Variants in AGFG2 observed in about 807,000 individuals in gnomAD.
The protein encoded by AGFG2 is arf-GAP domain and FG repeat-containing protein 2.
Under a neutral mutation model 48.0 loss-of-function variants are expected in AGFG2, and 31 were observed. The ratio of observed to expected loss-of-function variants is 0.65; its 90% CI spans 0.49 to 0.87. AGFG2 has a LOEUF of 0.87. Ranked by LOEUF, AGFG2 falls within the 40% of genes least tolerant of loss-of-function variation. AGFG2 has a pLI of 0.00. For synonymous variants in AGFG2, 229 were observed against 260.8 expected (o/e 0.88, Z 1.18); for missense variants, 599 against 632.6 (o/e 0.95, Z 0.57).
rs915409625 is a variant in AGFG2 at position 100,539,264 on chromosome 7, G to A, written c.-83G>A. The A allele has an allele frequency of 1.4e-5, 18 of 1,241,896 alleles. No homozygotes were observed. The highest frequency in any genetic ancestry group is 1.7e-5 in the Non-Finnish European group (17 of 981,442). 76.9% of individuals were successfully genotyped at this position (1,241,896 alleles called of 1,614,324 possible). A position where few individuals can be genotyped will look rare whatever the true frequency, so the allele number is the denominator to read the frequency against. On this transcript the variant is annotated 5_prime_UTR_variant, in exon 1 of 12. Coordinates refer to ENST00000300176, the MANE Select transcript of AGFG2 (RefSeq NM_006076.5). ...CCCGAGCTTCTGTCAGGGGAGCCGG[G>A]CGTGCGGAGGCGGCTGAGGAGGCGG...
At chr7:100,549,062 T>G in intron 2 of AGFG2, 147 bp downstream of exon 2, 1 of 653,504 alleles carries the variant, frequency 1.5e-6, no homozygotes. Context: ...TTAGGTATAT[T>G]TACAGAATCT....
intron 3 of AGFG2, among the ~76,000 whole-genome samples, chr7:100,550,971 C>T (rs1800619289): frequency 7.1e-6 from 1 of 141,044 alleles, no homozygotes; most frequent in Non-Finnish European, 1.5e-5. Context: ...AGGTGATCCT[C>T]CTACCTCATC....
chr7:100,546,973 T>C (rs537598759), intron 1 of AGFG2, among the ~76,000 whole-genome samples: 13 of 152,336 alleles, frequency 8.5e-5, no homozygotes, highest in Admixed American at 5.2e-4. Flanking sequence ...CTCTTTGATA[T>C]TGCTTGTCTT....
chr7:100,544,152 C>T (rs141246295), intron 1 of AGFG2, among the ~76,000 whole-genome samples: 1 of 152,234 alleles, frequency 6.6e-6, no homozygotes, highest in Admixed American at 6.5e-5. Context: ...CTCATTGACA[C>T]AAGGATGGAC....
intron 6 of AGFG2, among the ~76,000 whole-genome samples, chr7:100,560,978 AT>A (rs1167654964): frequency 3.4e-3 from 464 of 135,524 alleles, no homozygotes; most frequent in Middle Eastern, 4.1e-3. Context: ...TGCCTGGCTA[AT>A]TTTTTTTTTT....
chr7:100,564,081 A>G lies in AGFG2; in HGVS notation c.1300+119A>G, dbSNP rs1237314657. ...GTGCCCTTTCTGACCAGCAGGGGGGACCAGGGAAGCACCAGACCCGCCCGG... is the reference window on the plus strand; with the variant it reads ...GTGCCCTTTCTGACCAGCAGGGGGGGCCAGGGAAGCACCAGACCCGCCCGG... On this transcript the variant is annotated intron_variant, in intron 10 of 11. Coordinates refer to ENST00000300176, the MANE Select transcript of AGFG2 (RefSeq NM_006076.5). The G allele has an allele frequency of 3.9e-6, 6 of 1,547,594 alleles. No homozygotes were observed. The African/African-American group carries it at 8.2e-5, about 21-fold the overall frequency.
intron 6 of AGFG2, among the ~76,000 whole-genome samples, chr7:100,560,165 C>T (rs1800835272): frequency 6.6e-6 from 1 of 151,592 alleles, no homozygotes; most frequent in Admixed American, 6.6e-5. Flanking sequence ...AGTAGAGGAT[C>T]CAACACCATG....
At position 100,562,718 on chromosome 7, in the gene AGFG2, C is replaced by A; in HGVS notation, c.1087+36C>A. The A allele has an allele frequency of 6.3e-7, 1 of 1,596,300 alleles. No homozygotes were observed. Among genetic ancestry groups the A allele is most frequent in the Non-Finnish European group, 8.5e-7 (1 of 1,173,150 alleles). Reference sequence around the variant, plus strand: ...CCTGTGGAGACCCAGGGGAGGGGACCTGAGGCCAGGAGGAGTCTAAGGACT... The same window carrying A: ...CCTGTGGAGACCCAGGGGAGGGGACATGAGGCCAGGAGGAGTCTAAGGACT... On this transcript the variant is annotated intron_variant, in intron 8 of 11. Transcript: ENST00000300176. This position sits in a 1 kb window ranked among gnomAD's most constrained non-coding sequence, Gnocchi z 5.4.
In AGFG2 at chr7:100,564,967, TCCAACCA is replaced by T. The variant is rs774892492; in HGVS notation, c.1429_1435del (p.Thr477ProfsTer22). On this transcript the variant is annotated frameshift_variant, in exon 12 of 12. Coordinates refer to ENST00000300176, the MANE Select transcript of AGFG2 (RefSeq NM_006076.5). LOFTEE classifies it high-confidence loss of function. Reference sequence around the variant, plus strand: ...CATCAAGCCCATTCGCCTCCAAACCTCCAACCACCAACCCCTTCTTGTAGCACTGTGT... The same window carrying T: ...CATCAAGCCCATTCGCCTCCAAACCTCCAACCCCTTCTTGTAGCACTGTGT... 1.2e-6 allele frequency: 2 copies of T among 1,614,046 alleles called. No homozygotes were observed. The highest frequency in any genetic ancestry group is 1.7e-5 in the Admixed American group (1 of 60,008).
rs1800382221 is a variant in AGFG2, at chr7:100,539,559, C to T, written c.213C>T (p.Ser71=). The change falls in exon 1 of 12, where the codon TCC becomes TCT. Residue 71 remains serine, a synonymous_variant. Transcript: ENST00000300176. ...TVGSFVCTTC[S]GLLRGLNPPH... ...GCAGCTTCGTGTGCACCACCTGCTC[C>T]GGCCTCCTGTGAGTGACCGGGAGGG... 1 of 1,010,730 alleles carries T rather than the reference C, an allele frequency of 9.9e-7. No individual in the cohort carries two copies. The allele number at this position is 1,010,730 out of a possible 1,614,324, so 62.6% of individuals were successfully genotyped here. A position where few individuals can be genotyped will look rare whatever the true frequency, so the allele number is the denominator to read the frequency against.
chr7:100,539,553 C>A lies in AGFG2; in HGVS notation c.207C>A (p.Thr69=). The change falls in exon 1 of 12, where the codon ACC becomes ACA. Residue 69 remains threonine (T), a synonymous_variant. Transcript: ENST00000300176. ...DITVGSFVCT[T]CSGLLRGLNP... ...CCGTGGGCAGCTTCGTGTGCACCAC[C>A]TGCTCCGGCCTCCTGTGAGTGACCG... 1.7e-6 allele frequency: 2 copies of A among 1,190,864 alleles called. No homozygotes were observed. The highest frequency in any genetic ancestry group is 1.1e-6 in the Non-Finnish European group (1 of 952,246). The allele number at this position is 1,190,864 out of a possible 1,614,324, so 73.8% of individuals were successfully genotyped here. A position where few individuals can be genotyped will look rare whatever the true frequency, so the allele number is the denominator to read the frequency against.
intron 1 of AGFG2, among the ~76,000 whole-genome samples, chr7:100,545,493 C>T (rs1584380411): frequency 1.3e-5 from 2 of 152,152 alleles, no homozygotes; most frequent in Non-Finnish European, 1.5e-5. Context: ...TTCATATGCC[C>T]TTTAGGTGCC....
At position 100,563,933 on chromosome 7, in the gene AGFG2, C is replaced by G. The variant is rs941125972; in HGVS notation, c.1271C>G (p.Pro424Arg). 1.2e-6 allele frequency: 2 copies of G among 1,608,430 alleles called. No homozygotes were observed. The highest frequency in any genetic ancestry group is 2.2e-5 in the East Asian group (1 of 44,892). Residue 424 changes from proline to arginine, a missense_variant, in exon 10 of 12, where the codon CCG becomes CGG. Transcript: ENST00000300176. ...ASSFPAPLFP[P>R]QTPLVQQQNG... Reference sequence around the variant, plus strand: ...TCCTTCCCAGCACCGCTGTTCCCCCCGCAGACCCCGCTTGTTCAGCAGCAG... The same window carrying G: ...TCCTTCCCAGCACCGCTGTTCCCCCGGCAGACCCCGCTTGTTCAGCAGCAG...
intron 1 of AGFG2, among the ~76,000 whole-genome samples, chr7:100,541,763 T>C (rs1487333061): frequency 1.6e-5 from 2 of 128,334 alleles, no homozygotes; most frequent in Non-Finnish European, 1.6e-5. Flanking sequence ...AGACTCTGTC[T>C]CACAAAAAAA....
rs553094074 is a variant in AGFG2, at chr7:100,542,766, T to C, written c.221+3199T>C. Reference sequence around the variant, plus strand: ...TCTTAAATCCCCATGATTGATTACCTGTAGATTAGGGTTTGGTGTTGGTGG... The same window carrying C: ...TCTTAAATCCCCATGATTGATTACCCGTAGATTAGGGTTTGGTGTTGGTGG... On this transcript the variant is annotated intron_variant, in intron 1 of 11. Transcript: ENST00000300176. Among the ~76,000 whole-genome samples the C allele has an allele frequency of 1.7e-3, 263 of 152,280 alleles. 2 individuals are homozygous for C. Among genetic ancestry groups the C allele is most frequent in the African/African-American group, 6.0e-3 (251 of 41,562 alleles).
chr7:100,539,880 G>A (rs1800390150), intron 1 of AGFG2, among the ~76,000 whole-genome samples: 1 of 152,072 alleles, frequency 6.6e-6, no homozygotes, highest in South Asian at 2.1e-4. Flanking sequence ...GGGAGAAAGT[G>A]CGGAGGATGG....
intron 9 of AGFG2, 28 bp from the exon 10 acceptor site, chr7:100,563,806 C>T: frequency 6.2e-7 from 1 of 1,609,360 alleles, no homozygotes; most frequent in Non-Finnish European, 8.5e-7. Context: ...CAGAAGTTCA[C>T]CTGAGCCTCC....
rs556936364 is a variant in AGFG2 at position 100,562,619 on chromosome 7, C to T, written c.1024C>T (p.Pro342Ser). The T allele has an allele frequency of 5.5e-5, 88 of 1,612,750 alleles. No homozygotes were observed. In the South Asian group the frequency reaches 8.2e-4, roughly 15 times the overall value. The stretch of plus-strand genomic sequence containing the variant: ...CCTCTTCGGGATGGCTGGCCAGGTC[C>T]CCCCGCTCCAGTCTGTCACGATGGG... Reference protein sequence around the residue: ...SSLFGMAGQVPPLQSVTMGGG... With the variant: ...SSLFGMAGQVSPLQSVTMGGG... The change falls in exon 8 of 12, where the codon CCC becomes TCC. Residue 342 changes from proline (P) to serine (S), a missense_variant. Coordinates refer to ENST00000300176, the MANE Select transcript of AGFG2 (RefSeq NM_006076.5). This position sits in a 1 kb window ranked among gnomAD's most constrained non-coding sequence, Gnocchi z 5.4.
At chr7:100,555,957 C>T in intron 6 of AGFG2, 1 of 521,506 alleles carries the variant, frequency 1.9e-6, no homozygotes, top group Non-Finnish European at 3.2e-6. Context: ...ACTAAGATTG[C>T]AGCAGGAGCT....
Sources: allele counts gnomAD v4.1 joint callset (sites outside exome capture counted in the v4.1 genomes callset), GRCh38; gene constraint gnomAD v4.1.1; non-coding constraint Gnocchi (gnomAD v3.1); transcripts MANE v1.5; gene names NCBI Gene and HGNC (gene_info 2026-07-23, HGNC 2026-07-21).